The following LRP2 variants were observed in gnomAD, a reference collection of about 807,000 sequenced individuals.
LRP2 encodes the protein low-density lipoprotein receptor-related protein 2.
A neutral mutation model predicts 531.0 loss-of-function variants in LRP2; 172 were observed. That is an observed-to-expected ratio of 0.32 (90% CI 0.29 to 0.37). LRP2 has a LOEUF of 0.37. LRP2 is among the 10% of genes least tolerant of loss of function. The probability of loss-of-function intolerance (pLI) is 1.00; values close to 1 mark genes in which losing one functional copy is unlikely to be tolerated. For missense variants in LRP2, 5,167 were observed against 5,868.3 expected (o/e 0.88, Z 3.90); for synonymous variants, 1,992 against 2,027.6 (o/e 0.98, Z 0.47).
At chr2:169,315,211 T>C (rs1384178253) in intron 3 of LRP2, among the ~76,000 whole-genome samples, 1 of 152,202 alleles carries the variant, frequency 6.6e-6, no homozygotes, top group Non-Finnish European at 1.5e-5. Context: ...TACCACACAG[T>C]ATAGCAATAT....
At chr2:169,155,428 G>A (rs1686293421) in intron 65 of LRP2, among the ~76,000 whole-genome samples, 1 of 152,158 alleles carries the variant, frequency 6.6e-6, no homozygotes, top group Non-Finnish European at 1.5e-5. Context: ...ACAGTGTTTT[G>A]AGGGTAAAAT....
intron 32 of LRP2, 120 bp from the exon 33 acceptor site, chr2:169,225,573 G>C (rs1489856909): frequency 8.4e-7 from 1 of 1,194,682 alleles, no homozygotes; most frequent in South Asian, 1.3e-5. Context: ...TACACTCAGA[G>C]GAAAGGCAAA....
rs1331147051 is a variant in LRP2 at position 169,337,377 on chromosome 2, A to G, written c.80-16493T>C. Reference sequence around the variant, plus strand: ...AACATCGTACCACATAGGTTGTGGTACCATGTATAAGGCCATCTTTGCTAA... The same window carrying G: ...AACATCGTACCACATAGGTTGTGGTGCCATGTATAAGGCCATCTTTGCTAA... On this transcript the variant is annotated intron_variant, in intron 1 of 78. Coordinates refer to ENST00000649046, the MANE Select transcript of LRP2 (RefSeq NM_004525.3). Among the ~76,000 whole-genome samples, 11 of 152,300 alleles carry G rather than the reference A, an allele frequency of 7.2e-5. No homozygotes were observed. The South Asian group carries it at 2.3e-3, about 32-fold the overall frequency.
intron 1 of LRP2, among the ~76,000 whole-genome samples, chr2:169,321,324 T>G (rs930671612): frequency 1.3e-5 from 2 of 152,174 alleles, no homozygotes; most frequent in Non-Finnish European, 2.9e-5. Flanking sequence ...AGGATTAAAT[T>G]TGTTTACATC....
chr2:169,355,518 A>T (rs1316262766), intron 1 of LRP2, among the ~76,000 whole-genome samples: 1 of 152,218 alleles, frequency 6.6e-6, no homozygotes, highest in African/African-American at 2.4e-5. Context: ...AGCCATGGGA[A>T]CACATCATGA....
chr2:169,251,757 G>GA (rs1341091285), intron 19 of LRP2, among the ~76,000 whole-genome samples: 1 of 92,674 alleles, frequency 1.1e-5, no homozygotes, highest in Non-Finnish European at 2.0e-5. Context: ...GACTAATAAA[G>GA]AAAGAAGAGA....
intron 16 of LRP2, among the ~76,000 whole-genome samples, chr2:169,262,351 G>A (rs1432461336): frequency 9.0e-4 from 30 of 33,340 alleles, no homozygotes; most frequent in African/African-American, 1.4e-3. Context: ...AAACCCCATC[G>A]TCTCAGCCCA....
chr2:169,137,669 G>T (rs1397445598), intron 75 of LRP2, among the ~76,000 whole-genome samples, 176 bp from the exon 76 acceptor site: 3 of 106,140 alleles, frequency 2.8e-5, no homozygotes, highest in Non-Finnish European at 5.7e-5. Flanking sequence ...AAAAAAAAAA[G>T]GCCAGCAAAA....
At chr2:169,225,985 A>G (rs72876251) in intron 32 of LRP2, among the ~76,000 whole-genome samples, 7,001 of 152,300 alleles carry the variant, frequency 0.046, 244 homozygotes, top group African/African-American at 0.097. Flanking sequence ...TGCTTTCACT[A>G]AATTCCCTTA....
chr2:169,166,088 T>C (rs1686772647), intron 61 of LRP2, 34 bp from the exon 62 acceptor site: 1 of 1,611,770 alleles, frequency 6.2e-7, no homozygotes, highest in Non-Finnish European at 8.5e-7. Flanking sequence ...AAATTACAAG[T>C]TAACAGTAGA....
chr2:169,209,769 C>A, intron 37 of LRP2, 128 bp from the exon 38 acceptor site: 1 of 907,210 alleles, frequency 1.1e-6, no homozygotes. Context: ...CAAAATGAAA[C>A]CCTTTTTTCC....
chr2:169,296,520 G>C (rs1486910871), intron 4 of LRP2, among the ~76,000 whole-genome samples: 5 of 151,906 alleles, frequency 3.3e-5, no homozygotes. Flanking sequence ...GCCCCTGTGA[G>C]CCAGATAGCT....
chr2:169,157,557 G>A (rs1236016711), intron 63 of LRP2, 55 bp from the exon 64 acceptor site: 1 of 1,601,624 alleles, frequency 6.2e-7, no homozygotes, highest in Non-Finnish European at 8.5e-7. Context: ...TAACAGTCAA[G>A]TGGTGTATCA....
Position 169,318,886 on chromosome 2 carries a change from T to C in LRP2, c.188-2A>G, listed in dbSNP as rs760114690. On this transcript the variant is annotated splice_acceptor_variant, in intron 2 of 78. Coordinates refer to ENST00000649046, the MANE Select transcript of LRP2 (RefSeq NM_004525.3). LOFTEE classifies it high-confidence loss of function. ...AGCCCTGCTGGCAGGTCACAACAGCTAAAACAAACCAAAAGAGGACTCATT... is the reference window on the plus strand; with the variant it reads ...AGCCCTGCTGGCAGGTCACAACAGCCAAAACAAACCAAAAGAGGACTCATT... 1 of 1,614,016 alleles carries C rather than the reference T, an allele frequency of 6.2e-7. No individual in the cohort carries two copies. The highest frequency in any genetic ancestry group is 2.2e-5 in the East Asian group (1 of 44,878).
Position 169,213,737 on chromosome 2 carries a change from T to A in LRP2, c.5960A>T (p.Asp1987Val). Residue 1987 changes from aspartate to valine, a missense_variant, in exon 36 of 79, where the codon GAT becomes GTT. Physicochemically the swap from Asp to Val is radical, Grantham distance 152. Transcript: ENST00000649046. ...DEQYEVIERV[D>V]KATGANKIVL... ...TATTTTGTTGGCCCCAGTGGCCTTA[T>A]CAACTCTTTCAATGACCTCATACTG... 4 of 1,613,820 alleles carry A rather than the reference T, an allele frequency of 2.5e-6. No homozygotes were observed. Among genetic ancestry groups the A allele is most frequent in the Non-Finnish European group, 2.5e-6 (3 of 1,179,770 alleles).
chr2:169,240,781 T>A (rs1689775833), intron 25 of LRP2: 5 of 631,932 alleles, frequency 7.9e-6, no homozygotes, highest in Middle Eastern at 4.2e-4. Flanking sequence ...TAAAAACACA[T>A]AACCAAGTAC....
intron 12 of LRP2, 21 bp downstream of exon 12, chr2:169,279,351 A>G (rs1574214357): frequency 2.6e-6 from 4 of 1,558,854 alleles, no homozygotes; most frequent in Non-Finnish European, 3.5e-6. Flanking sequence ...ACAGGAATCA[A>G]TATGTTTTCA....
At chr2:169,300,029 T>C (rs1258676561) in intron 4 of LRP2, among the ~76,000 whole-genome samples, 2 of 152,158 alleles carry the variant, frequency 1.3e-5, no homozygotes, top group Non-Finnish European at 2.9e-5. Context: ...TTTATTGAAA[T>C]CTGACTTCAT....
At chr2:169,234,585 A>G (rs929304198) in intron 29 of LRP2, among the ~76,000 whole-genome samples, 3 of 152,330 alleles carry the variant, frequency 2.0e-5, no homozygotes, top group African/African-American at 7.2e-5. Flanking sequence ...GCAATAACAT[A>G]TGAGTGCATG....
Sources: gnomAD v4.1 joint callset for allele counts (sites outside exome capture counted in the v4.1 genomes callset) on GRCh38, gnomAD v4.1.1 for gene constraint, MANE v1.5 for transcripts, NCBI Gene and HGNC (gene_info 2026-07-23, HGNC 2026-07-21) for gene names.